The following DPP9 variants were observed in gnomAD, a reference collection of about 807,000 sequenced individuals.
The protein encoded by DPP9 is dipeptidyl peptidase 9.
In DPP9, 50 loss-of-function variants were observed where a neutral mutation model predicts 110.7. The ratio of observed to expected loss-of-function variants is 0.45; its 90% CI spans 0.36 to 0.57. The LOEUF is 0.57. DPP9 is among the 20% of genes least tolerant of loss of function. DPP9 has a pLI of 0.00. For missense variants in DPP9, 1,022 were observed against 1,217.9 expected, an observed-to-expected ratio of 0.84 and a Z score of 2.39; for synonymous variants, 561 against 514.4, an observed-to-expected ratio of 1.09 and a Z score of -1.23.
Position 4,694,423 on chromosome 19 carries a change from A to C in DPP9, c.1516+238T>G. The C allele has an allele frequency of 1.7e-6, 1 of 572,012 alleles. No individual in the cohort carries two copies. The highest frequency in any genetic ancestry group is 3.1e-6 in the Non-Finnish European group (1 of 327,628). 35.4% of individuals were successfully genotyped at this position (572,012 alleles called of 1,614,324 possible). On this transcript the variant is annotated intron_variant, in intron 13 of 21. Transcript: ENST00000262960. This position sits in a 1 kb window ranked among gnomAD's most constrained non-coding sequence, Gnocchi z 4.0. ...AGGTGGCCAACCCCTGGTTGTGCTAAGGGCCTGGCACAGGGGAGGTGCTCA... is the reference window on the plus strand; with the variant it reads ...AGGTGGCCAACCCCTGGTTGTGCTACGGGCCTGGCACAGGGGAGGTGCTCA...
chr19:4,676,438 C>A lies in DPP9; in HGVS notation c.*126G>T. The A allele has an allele frequency of 1.3e-6, 1 of 789,544 alleles. No homozygotes were observed. Among genetic ancestry groups the A allele is most frequent in the Non-Finnish European group, 2.1e-6 (1 of 474,130 alleles). 48.9% of individuals were successfully genotyped at this position (789,544 alleles called of 1,614,324 possible). ...CGGTGAAGGCAGCGGCTCCTCGGGG[C>A]TGGCCAGCGCTGGGCGGGACAAAGT... On this transcript the variant is annotated 3_prime_UTR_variant, in exon 22 of 22. Coordinates refer to ENST00000262960, the MANE Select transcript of DPP9 (RefSeq NM_139159.5). This position sits in a 1 kb window ranked among gnomAD's most constrained non-coding sequence, Gnocchi z 4.0.
At chr19:4,708,378 T>C (rs1160465112) in intron 4 of DPP9, among the ~76,000 whole-genome samples, 5 of 152,220 alleles carry the variant, frequency 3.3e-5, no homozygotes, top group Admixed American at 6.5e-5. Flanking sequence ...TTAGGGTTCC[T>C]TTCTTTGGAA....
Position 4,700,198 on chromosome 19 carries a change from T to G in DPP9, c.1074+18A>C, listed in dbSNP as rs2092142858. ...GCATCATCTAGTAGATTATCTGGTA[T>G]GCAGCAGGCCCCCTTACCTTGCCCT... On this transcript the variant is annotated intron_variant, in intron 10 of 21. Transcript: ENST00000262960. The surrounding 1 kb of genome is among the most constrained non-coding windows in gnomAD (Gnocchi z 4.3). The G allele has an allele frequency of 3.2e-6, 5 of 1,547,658 alleles. No homozygotes were observed. Among genetic ancestry groups the G allele is most frequent in the Non-Finnish European group, 4.4e-6 (5 of 1,135,796 alleles).
rs749035169 is a variant in DPP9, at chr19:4,676,103, C to T, written c.*461G>A. 183 of 166,940 alleles carry T rather than the reference C, an allele frequency of 1.1e-3. No individual in the cohort carries two copies. In the Middle Eastern group the frequency reaches 0.023, roughly 21 times the overall value. 10.3% of individuals were successfully genotyped at this position (166,940 alleles called of 1,614,324 possible). On this transcript the variant is annotated 3_prime_UTR_variant, in exon 22 of 22. Transcript: ENST00000262960. The surrounding 1 kb of genome is among the most constrained non-coding windows in gnomAD (Gnocchi z 4.0). Reference sequence around the variant, plus strand: ...TTTAAATAATTATGAAAAATATCCCCCCAAACAAAACACAAACATCAAGTT... The same window carrying T: ...TTTAAATAATTATGAAAAATATCCCTCCAAACAAAACACAAACATCAAGTT...
intron 7 of DPP9, among the ~76,000 whole-genome samples, chr19:4,703,471 A>C (rs1451090887): frequency 6.1e-4 from 38 of 62,374 alleles, no homozygotes; most frequent in Non-Finnish European, 2.9e-5. Flanking sequence ...CTAAAAATAC[A>C]AAAAAAAAAA....
At position 4,688,635 on chromosome 19, in the gene DPP9, T is replaced by G. The variant is rs992101523; in HGVS notation, c.1885+122A>C. On this transcript the variant is annotated intron_variant, in intron 16 of 21. Coordinates refer to ENST00000262960, the MANE Select transcript of DPP9 (RefSeq NM_139159.5). ...TCCCAGATGCTTGGAGGGGCCTGGG[T>G]GCTGTGGGAGGCCAGGCAGGCCAGC... The G allele has an allele frequency of 3.3e-6, 4 of 1,208,256 alleles. No individual in the cohort carries two copies. In the African/African-American group the frequency reaches 6.4e-5, roughly 19 times the overall value. 74.8% of individuals were successfully genotyped at this position (1,208,256 alleles called of 1,614,324 possible).
intron 5 of DPP9, 101 bp downstream of exon 5, chr19:4,705,757 C>T (rs931682745): frequency 8.8e-6 from 10 of 1,138,064 alleles, no homozygotes; most frequent in African/African-American, 4.6e-5. Context: ...AACTCACAGC[C>T]GGTGGGGCAG....
intron 13 of DPP9, among the ~76,000 whole-genome samples, chr19:4,692,918 G>C (rs2091454088): frequency 6.6e-6 from 1 of 152,152 alleles, no homozygotes; most frequent in Non-Finnish European, 1.5e-5. Flanking sequence ...TGAGGCAGCT[G>C]TCACCCCGCC....
In DPP9 at chr19:4,684,400, A is replaced by G; in HGVS notation, c.2178+263T>C. 1 of 518,452 alleles carries G rather than the reference A, an allele frequency of 1.9e-6. No individual in the cohort carries two copies. The highest frequency in any genetic ancestry group is 3.4e-5 in the Admixed American group (1 of 29,466). The allele number at this position is 518,452 out of a possible 1,614,324, so 32.1% of individuals were successfully genotyped here. ...TTGTTCCAGCAGTGCAAAGGGGCCGAGATGATCGCCATCACCACCGTCGTC... is the reference window on the plus strand; with the variant it reads ...TTGTTCCAGCAGTGCAAAGGGGCCGGGATGATCGCCATCACCACCGTCGTC... On this transcript the variant is annotated intron_variant, in intron 18 of 21. Transcript: ENST00000262960. This position sits in a 1 kb window ranked among gnomAD's most constrained non-coding sequence, Gnocchi z 4.8.
At chr19:4,677,850 A>T (rs149215538) in intron 21 of DPP9, among the ~76,000 whole-genome samples, 1 of 152,156 alleles carries the variant, frequency 6.6e-6, no homozygotes, top group Non-Finnish European at 1.5e-5. Context: ...TGGCTCCCCA[A>T]TGAGCTTCCA....
At chr19:4,719,184 C>G (rs2145990079) in intron 3 of DPP9, 1 of 152,150 alleles carries the variant, frequency 6.6e-6, no homozygotes, top group Non-Finnish European at 1.5e-5. Flanking sequence ...AAAAATTAGC[C>G]AGGTGTGGTG....
rs1466943995 is a variant in DPP9 at position 4,702,660 on chromosome 19, G to A, written c.826C>T (p.Gln276Ter). 2.5e-6 allele frequency: 4 copies of A among 1,604,598 alleles called. No homozygotes were observed. Among genetic ancestry groups the A allele is most frequent in the Non-Finnish European group, 3.4e-6 (4 of 1,176,022 alleles). ...CCAGTGAAGCGGTCGAACTCTTCCTGTATGACGAAGGTGGCCACACCCGCA... is the reference window on the plus strand; with the variant it reads ...CCAGTGAAGCGGTCGAACTCTTCCTATATGACGAAGGTGGCCACACCCGCA... ...KSAGVATFVI[Q>*]EEFDRFTGYW... The change falls in exon 8 of 22, where the codon CAG (glutamine) becomes TAG (stop). Residue 276 changes from glutamine (Q) to a stop codon, truncating the protein, a stop_gained. Transcript: ENST00000262960. LOFTEE classifies it high-confidence loss of function.
chr19:4,717,017 T>G (rs1184673831), intron 3 of DPP9, among the ~76,000 whole-genome samples: 1 of 152,116 alleles, frequency 6.6e-6, no homozygotes, highest in Non-Finnish European at 1.5e-5. Context: ...GGAAGACCCC[T>G]TGGGAAGGTG....
chr19:4,684,775 T>C lies in DPP9; in HGVS notation c.2066A>G (p.Lys689Arg), dbSNP rs1157688272. ...QLVNNSFKGI[K>R]YLRLNTLASL... is the part of the protein sequence containing the mutation. ...GGCCAGTGTGTTGAGCCGCAAGTACTTGATGCCTTTGAAGGAGTTATTCAC... is the reference window on the plus strand; with the variant it reads ...GGCCAGTGTGTTGAGCCGCAAGTACCTGATGCCTTTGAAGGAGTTATTCAC... Residue 689 changes from lysine to arginine, a missense_variant, in exon 18 of 22, where the codon AAG becomes AGG. Coordinates refer to ENST00000262960, the MANE Select transcript of DPP9 (RefSeq NM_139159.5). The surrounding 1 kb of genome is among the most constrained non-coding windows in gnomAD (Gnocchi z 4.8). The C allele has an allele frequency of 3.7e-6, 6 of 1,600,850 alleles. No homozygotes were observed. The highest frequency in any genetic ancestry group is 5.1e-6 in the Non-Finnish European group (6 of 1,174,334).
chr19:4,713,584 C>T (rs2092934536), intron 4 of DPP9, among the ~76,000 whole-genome samples: 1 of 152,232 alleles, frequency 6.6e-6, no homozygotes, highest in Non-Finnish European at 1.5e-5. Flanking sequence ...CAGGTTCTGC[C>T]ATCCGGGCGG....
At chr19:4,678,528 C>A (rs923588984) in intron 21 of DPP9, among the ~76,000 whole-genome samples, 2 of 152,188 alleles carry the variant, frequency 1.3e-5, no homozygotes, top group African/African-American at 4.8e-5. Flanking sequence ...TCCCAGCTAC[C>A]TGGCCCCTGG....
intron 4 of DPP9, among the ~76,000 whole-genome samples, chr19:4,711,548 G>C (rs1462212174): frequency 6.6e-6 from 1 of 152,014 alleles, no homozygotes; most frequent in African/African-American, 2.4e-5. Flanking sequence ...TGAGGCAGGC[G>C]GATCACCTGA....
intron 11 of DPP9, among the ~76,000 whole-genome samples, chr19:4,697,249 C>A (rs1315540920): frequency 6.6e-6 from 1 of 152,116 alleles, no homozygotes; most frequent in African/African-American, 2.4e-5. Flanking sequence ...TTTTTCTGAG[C>A]CTGAGGTCTG....
In DPP9 at chr19:4,679,664, C is replaced by T. The variant is rs118116235; in HGVS notation, c.2586+171G>A. 3.3e-4 allele frequency: 201 copies of T among 606,348 alleles called. 1 individual carries two copies. The highest frequency in any genetic ancestry group is 5.3e-4 in the Non-Finnish European group (182 of 341,824). 37.6% of individuals were successfully genotyped at this position (606,348 alleles called of 1,614,324 possible). On this transcript the variant is annotated intron_variant, in intron 21 of 21. Coordinates refer to ENST00000262960, the MANE Select transcript of DPP9 (RefSeq NM_139159.5). ...CAAGACAGGACTGATACATCAATGG[C>T]CCTGGGAGCTGGGAGGGCGGGGACA...
Sources: gnomAD v4.1 joint callset for allele counts (sites outside exome capture counted in the v4.1 genomes callset) on GRCh38, gnomAD v4.1.1 for gene constraint, Gnocchi (gnomAD v3.1) non-coding constraint, MANE v1.5 for transcripts, NCBI Gene and HGNC (gene_info 2026-07-23, HGNC 2026-07-21) for gene names.